ZNF385D: variants seen among roughly 807,000 people sequenced by gnomAD.
ZNF385D encodes zinc finger protein 385D.
A neutral mutation model predicts 35.8 loss-of-function variants in ZNF385D; 15 were observed. That is an observed-to-expected ratio of 0.42 (90% CI 0.28 to 0.64). ZNF385D has a LOEUF of 0.64. ZNF385D is among the 30% of genes least tolerant of loss of function. ZNF385D has a pLI of 0.23. For synonymous variants in ZNF385D, 212 were observed against 186.8 expected (o/e 1.13, Z -1.10); for missense variants, 474 against 494.6 (o/e 0.96, Z 0.39).
chr3:21,583,716 TG>T (rs2063729996), intron 2 of ZNF385D, among the ~76,000 whole-genome samples: 1 of 151,526 alleles, frequency 6.6e-6, no homozygotes, highest in Non-Finnish European at 1.5e-5. Context: ...AATATTGTAT[TG>T]TTATGTTACT....
At chr3:21,950,696 T>C (rs1428954015) in intron 3 of ZNF385D, among the ~76,000 whole-genome samples, 1 of 151,834 alleles carries the variant, frequency 6.6e-6, no homozygotes, top group African/African-American at 2.4e-5. Flanking sequence ...CATTTAAGTC[T>C]TTAATCCATC....
At chr3:22,241,898 A>G (rs79633712) in intron 2 of ZNF385D, among the ~76,000 whole-genome samples, 3,783 of 150,974 alleles carry the variant, frequency 0.025, 207 homozygotes, top group African/African-American at 0.053. Context: ...ACATTTCAAC[A>G]TAGTACTATT....
At chr3:21,495,829 G>A (rs1263679865) in intron 4 of ZNF385D, among the ~76,000 whole-genome samples, 3 of 151,994 alleles carry the variant, frequency 2.0e-5, no homozygotes, top group Admixed American at 2.0e-4. Flanking sequence ...AAAGAGAGAA[G>A]TTTGAAATAA....
chr3:22,063,386 C>T (rs1053647597), intron 3 of ZNF385D, among the ~76,000 whole-genome samples: 2 of 151,996 alleles, frequency 1.3e-5, no homozygotes, highest in Non-Finnish European at 1.5e-5. Flanking sequence ...TTGAATAAAG[C>T]CTCAGAGTTA....
chr3:22,111,940 C>T (rs1702558730), intron 3 of ZNF385D, among the ~76,000 whole-genome samples: 1 of 152,098 alleles, frequency 6.6e-6, no homozygotes, highest in Admixed American at 6.6e-5. Flanking sequence ...GGCTTGTCTA[C>T]TTCCATCAAA....
intron 2 of ZNF385D, among the ~76,000 whole-genome samples, chr3:22,190,505 C>T (rs1026177106): frequency 1.3e-5 from 2 of 152,076 alleles, no homozygotes; most frequent in African/African-American, 2.4e-5. Context: ...TTGTCGTGGT[C>T]ACTGAATATA....
At chr3:21,768,885 G>A (rs921874494) in intron 3 of ZNF385D, among the ~76,000 whole-genome samples, 2 of 149,718 alleles carry the variant, frequency 1.3e-5, no homozygotes, top group African/African-American at 2.4e-5. Context: ...TCTTTTTGGA[G>A]TCAGACATTA....
At chr3:21,588,680 A>T (rs1307795237) in intron 2 of ZNF385D, among the ~76,000 whole-genome samples, 2 of 152,162 alleles carry the variant, frequency 1.3e-5, no homozygotes, top group African/African-American at 4.8e-5. Context: ...ATGATTTTTC[A>T]TAAGACTTGA....
At chr3:21,767,036 A>C (rs767576497) in intron 3 of ZNF385D, among the ~76,000 whole-genome samples, 1 of 152,086 alleles carries the variant, frequency 6.6e-6, no homozygotes, top group Non-Finnish European at 1.5e-5. Flanking sequence ...CATTCATGAA[A>C]AGTGGTTAAA....
At chr3:21,890,180 G>A (rs1030963465) in intron 3 of ZNF385D, among the ~76,000 whole-genome samples, 10 of 152,110 alleles carry the variant, frequency 6.6e-5, no homozygotes, top group African/African-American at 1.7e-4. Context: ...TTATGTGCAG[G>A]TTATATAAGC....
intron 3 of ZNF385D, among the ~76,000 whole-genome samples, chr3:21,798,064 A>G (rs996437493): frequency 6.6e-6 from 1 of 152,178 alleles, no homozygotes; most frequent in Non-Finnish European, 1.5e-5. Context: ...AAGTTCATGG[A>G]TTGTAACAAA....
At chr3:22,338,312 A>T (rs1368706088) in intron 2 of ZNF385D, among the ~76,000 whole-genome samples, 2 of 152,184 alleles carry the variant, frequency 1.3e-5, no homozygotes, top group African/African-American at 4.8e-5. Context: ...TTTGGTGAGT[A>T]TATGATTTCC....
chr3:22,207,107 C>T (rs1609173), intron 2 of ZNF385D, among the ~76,000 whole-genome samples: 75,229 of 151,620 alleles, frequency 0.5, 19,072 homozygotes, highest in Middle Eastern at 0.62. Flanking sequence ...AAAGGATTAT[C>T]AGAGGCTACT....
intron 3 of ZNF385D, among the ~76,000 whole-genome samples, chr3:21,986,932 T>C: frequency 7.9e-5 from 4 of 50,788 alleles, no homozygotes; most frequent in South Asian, 7.4e-4. Context: ...ATGGCCTTCT[T>C]TGTCTCTTTT....
At chr3:22,273,986 C>T (rs1030084941) in intron 2 of ZNF385D, among the ~76,000 whole-genome samples, 1 of 152,000 alleles carries the variant, frequency 6.6e-6, no homozygotes, top group Non-Finnish European at 1.5e-5. Flanking sequence ...AAAGTATATT[C>T]TGGTAGCATT....
rs565280471 is a variant in ZNF385D at position 22,025,668 on chromosome 3, G to A, written c.325+143149C>T. ...GATTAAAAGATGGCCCACTGTGAGCGAGCTGGAAATGCCTGATCTCCCTTG... is the reference window on the plus strand; with the variant it reads ...GATTAAAAGATGGCCCACTGTGAGCAAGCTGGAAATGCCTGATCTCCCTTG... On this transcript the variant is annotated intron_variant, in intron 3 of 5. Coordinates refer to the ZNF385D transcript ENST00000494108. 7.2e-5 allele frequency among the ~76,000 whole-genome samples: 11 copies of A among 152,230 alleles called. No individual in the cohort carries two copies. In the East Asian group the frequency reaches 1.4e-3, roughly 19 times the overall value.
intron 3 of ZNF385D, among the ~76,000 whole-genome samples, chr3:21,872,232 C>T (rs989998415): frequency 1.3e-5 from 2 of 152,054 alleles, no homozygotes; most frequent in Non-Finnish European, 2.9e-5. Context: ...ATATATGTGG[C>T]GACAACTGCC....
chr3:22,296,033 C>T (rs75969756), intron 2 of ZNF385D, among the ~76,000 whole-genome samples: 7,707 of 152,102 alleles, frequency 0.051, 256 homozygotes, highest in African/African-American at 0.098. Flanking sequence ...TTGCATGGCC[C>T]AGGGAAAAAG....
chr3:22,160,372 C>T lies in ZNF385D; in HGVS notation c.325+8445G>A, dbSNP rs187606336. ...ACTGACAGTCAACAAAAGCACAAAT[C>T]GTCCTTGGAGATCAAAAGGTGAGAC... On this transcript the variant is annotated intron_variant, in intron 3 of 5. Transcript: ENST00000494108. 2.5e-3 allele frequency among the ~76,000 whole-genome samples: 375 copies of T among 152,126 alleles called. 3 individuals carry two copies. Among genetic ancestry groups the T allele is most frequent in the Non-Finnish European group, 3.6e-3 (243 of 67,980 alleles).
Sources: gnomAD v4.1 joint callset for allele counts (sites outside exome capture counted in the v4.1 genomes callset) on GRCh38, gnomAD v4.1.1 for gene constraint, MANE v1.5 for transcripts, NCBI Gene and HGNC (gene_info 2026-07-23, HGNC 2026-07-21) for gene names.